ODAD2: variants seen among roughly 807,000 people sequenced by gnomAD.
ODAD2 encodes outer dynein arm docking complex subunit 2.
Under a neutral mutation model 106.8 loss-of-function variants are expected in ODAD2, and 89 were observed. The observed-to-expected ratio is 0.83, with a 90% CI of 0.70 to 0.99. The LOEUF (loss-of-function observed/expected upper bound fraction) is 0.99, where lower values mean the gene tolerates loss of function less well. ODAD2 is among the 50% of genes least tolerant of loss of function. The probability of loss-of-function intolerance (pLI) is 0.00; values close to 1 mark genes in which losing one functional copy is unlikely to be tolerated. For synonymous variants in ODAD2, 404 were observed against 436.2 expected, an observed-to-expected ratio of 0.93 and a Z score of 0.92; for missense variants, 1,168 against 1,238.5, an observed-to-expected ratio of 0.94 and a Z score of 0.85.
chr10:27,930,927 T>C (rs1287972415), intron 16 of ODAD2, among the ~76,000 whole-genome samples: 2 of 152,214 alleles, frequency 1.3e-5, no homozygotes. Flanking sequence ...AATCATTGTC[T>C]CTAATACCCT....
intron 16 of ODAD2, among the ~76,000 whole-genome samples, chr10:27,921,313 A>C (rs186258695): frequency 2.1e-3 from 305 of 141,892 alleles, no homozygotes; most frequent in African/African-American, 7.1e-3. Flanking sequence ...AAAAAAAAGA[A>C]AAAAAAAAGA....
intron 17 of ODAD2, among the ~76,000 whole-genome samples, chr10:27,898,155 A>C (rs190851311): frequency 6.6e-6 from 1 of 152,326 alleles, no homozygotes; most frequent in Admixed American, 6.5e-5. Flanking sequence ...TTGACATTTA[A>C]ATATAGATTT....
chr10:27,853,994 A>G (rs1402238528), intron 19 of ODAD2, among the ~76,000 whole-genome samples: 3 of 152,234 alleles, frequency 2.0e-5, no homozygotes, highest in South Asian at 4.1e-4. Flanking sequence ...CAAATTACAC[A>G]TATGGTAAGC....
chr10:27,993,764 C>T (rs1368795909), intron 2 of ODAD2, among the ~76,000 whole-genome samples: 1 of 152,020 alleles, frequency 6.6e-6, no homozygotes, highest in East Asian at 1.9e-4. Flanking sequence ...TGCTGCAGTT[C>T]TAAAAATGAA....
At position 27,983,991 on chromosome 10, in the gene ODAD2, C is replaced by A; in HGVS notation, c.683-12G>T. ...TGAAAATTCATAATCTGAAACCAAT[C>A]ATCAAGCAATTAACAGGAGTTCCTT... On this transcript the variant is annotated splice_polypyrimidine_tract_variant and intron_variant, in intron 5 of 19. Coordinates refer to ENST00000305242, the MANE Select transcript of ODAD2 (RefSeq NM_018076.5). The A allele has an allele frequency of 6.2e-7, 1 of 1,605,048 alleles. No individual in the cohort carries two copies. The highest frequency in any genetic ancestry group is 1.1e-5 in the South Asian group (1 of 88,508).
intron 19 of ODAD2, among the ~76,000 whole-genome samples, chr10:27,821,561 A>C (rs1375192703): frequency 5.3e-5 from 8 of 152,224 alleles, no homozygotes; most frequent in Admixed American, 5.2e-4. Flanking sequence ...GCACAACAGA[A>C]AGTTGGTACA....
chr10:27,959,477 C>T (rs1283711394), intron 10 of ODAD2, among the ~76,000 whole-genome samples: 2 of 151,958 alleles, frequency 1.3e-5, no homozygotes, highest in Non-Finnish European at 2.9e-5. Context: ...CTGTTGCAAG[C>T]GTGGCCTAAA....
chr10:27,853,482 C>G (rs1839437447), intron 19 of ODAD2: 1 of 170,644 alleles, frequency 5.9e-6, no homozygotes, highest in African/African-American at 2.4e-5. Flanking sequence ...AGCTATAAAA[C>G]TTTAGTATGC....
chr10:27,839,159 C>T (rs1838126091), intron 19 of ODAD2, among the ~76,000 whole-genome samples: 1 of 152,198 alleles, frequency 6.6e-6, no homozygotes, highest in Non-Finnish European at 1.5e-5. Flanking sequence ...AGGAATAACT[C>T]TCCCGTCCAA....
chr10:27,933,262 T>A (rs1845733018), intron 16 of ODAD2, among the ~76,000 whole-genome samples: 1 of 151,952 alleles, frequency 6.6e-6, no homozygotes, highest in Non-Finnish European at 1.5e-5. Flanking sequence ...AAAAACAAAC[T>A]AAACAAAACA....
chr10:27,917,335 G>T (rs943779969), intron 16 of ODAD2, among the ~76,000 whole-genome samples: 2 of 152,020 alleles, frequency 1.3e-5, no homozygotes, highest in Non-Finnish European at 2.9e-5. Flanking sequence ...AAATAAAAAT[G>T]AAATCACAAC....
At chr10:27,910,484 G>A (rs573071805) in intron 16 of ODAD2, among the ~76,000 whole-genome samples, 4 of 152,212 alleles carry the variant, frequency 2.6e-5, no homozygotes, top group South Asian at 2.1e-4. Flanking sequence ...GGTCAGGCAC[G>A]GTGGCTCACG....
At chr10:27,827,379 CTATATATA>C (rs10580710) in intron 19 of ODAD2, among the ~76,000 whole-genome samples, 76,132 of 132,352 alleles carry the variant, frequency 0.58, 23,101 homozygotes, top group Non-Finnish European at 0.69. Flanking sequence ...CACACACACA[CTATATATA>C]TATATATATA....
At chr10:27,868,451 T>C (rs1840614426) in intron 17 of ODAD2, among the ~76,000 whole-genome samples, 1 of 152,100 alleles carries the variant, frequency 6.6e-6, no homozygotes, top group Admixed American at 6.6e-5. Context: ...AATGATACAC[T>C]GGATAAAGAA....
intron 9 of ODAD2, among the ~76,000 whole-genome samples, chr10:27,967,403 C>T (rs1291116370): frequency 5.9e-5 from 9 of 152,214 alleles, no homozygotes; most frequent in Admixed American, 1.3e-4. Flanking sequence ...TCACACTGTC[C>T]GGCTGGTATC....
chr10:27,874,701 G>T (rs1345569698), intron 17 of ODAD2, among the ~76,000 whole-genome samples: 1 of 152,104 alleles, frequency 6.6e-6, no homozygotes, highest in African/African-American at 2.4e-5. Context: ...CTTTTGTCTT[G>T]TAGGGTTTCT....
intron 19 of ODAD2, among the ~76,000 whole-genome samples, chr10:27,826,351 T>C (rs1234201199): frequency 2.0e-5 from 3 of 152,192 alleles, no homozygotes; most frequent in Non-Finnish European, 4.4e-5. Context: ...ACACACATTA[T>C]GATCTCTAAT....
chr10:27,845,944 A>G (rs1000671738), intron 19 of ODAD2, among the ~76,000 whole-genome samples: 1 of 152,226 alleles, frequency 6.6e-6, no homozygotes, highest in Non-Finnish European at 1.5e-5. Context: ...AGACTTACAA[A>G]GAGACTTAGG....
intron 16 of ODAD2, among the ~76,000 whole-genome samples, chr10:27,932,718 T>C (rs1329125265): frequency 6.6e-6 from 1 of 152,216 alleles, no homozygotes; most frequent in Non-Finnish European, 1.5e-5. Context: ...TCTACATTCC[T>C]GACTGCTTGA....
Sources: allele counts gnomAD v4.1 joint callset (sites outside exome capture counted in the v4.1 genomes callset), GRCh38; gene constraint gnomAD v4.1.1; transcripts MANE v1.5; gene names NCBI Gene and HGNC (gene_info 2026-07-23, HGNC 2026-07-21).